The following PCDHGB1 variants were observed in gnomAD, a reference collection of about 807,000 sequenced individuals.
The protein encoded by PCDHGB1 is protocadherin gamma subfamily B, 1.
Under a neutral mutation model 56.6 loss-of-function variants are expected in PCDHGB1, and 34 were observed. The observed-to-expected ratio is 0.60, with a 90% CI of 0.46 to 0.80. The LOEUF (loss-of-function observed/expected upper bound fraction) is 0.80. PCDHGB1 is among the 30% of genes least tolerant of loss of function. The probability of loss-of-function intolerance (pLI) is 0.00; values close to 1 mark genes in which losing one functional copy is unlikely to be tolerated. For synonymous variants in PCDHGB1, 561 were observed against 505.9 expected, an observed-to-expected ratio of 1.11 and a Z score of -1.46; for missense variants, 1,278 against 1,204.6, an observed-to-expected ratio of 1.06 and a Z score of -0.90.
intron 1 of PCDHGB1, chr5:141,428,048 G>A: frequency 6.2e-7 from 1 of 1,608,900 alleles, no homozygotes; most frequent in Admixed American, 1.7e-5. Context: ...TGGTGACCAA[G>A]GTGGTGGCGG....
intron 1 of PCDHGB1, chr5:141,412,954 C>A (rs2095592297): frequency 2.1e-6 from 1 of 482,442 alleles, no homozygotes; most frequent in Non-Finnish European, 3.6e-6. Flanking sequence ...CGCCGCTGTT[C>A]ACCTACTAGG....
rs1331087585 is a variant in PCDHGB1 at position 141,365,757 on chromosome 5, C to G, written c.2409+13088C>G. 6 of 1,613,830 alleles carry G rather than the reference C, an allele frequency of 3.7e-6. No individual in the cohort carries two copies. The South Asian group carries it at 6.6e-5, about 18-fold the overall frequency. On this transcript the variant is annotated intron_variant, in intron 1 of 3. Transcript: ENST00000523390. ...GGTGTCTCTATCTTCTCTGTGACAG[C>G]CCATGACCCCGACAGCGGCGACAAC...
intron 1 of PCDHGB1, chr5:141,417,831 C>T: frequency 5.2e-6 from 8 of 1,526,966 alleles, no homozygotes; most frequent in Non-Finnish European, 7.1e-6. Flanking sequence ...ACTGGAAAAG[C>T]GGGGACCCAG....
chr5:141,446,775 T>C (rs1175892018), intron 1 of PCDHGB1, among the ~76,000 whole-genome samples: 2 of 152,188 alleles, frequency 1.3e-5, no homozygotes, highest in Admixed American at 6.5e-5. Context: ...CCGGTTACCA[T>C]TCTTTTACTC....
At chr5:141,458,413 G>A (rs138479316) in intron 1 of PCDHGB1, among the ~76,000 whole-genome samples, 1 of 152,196 alleles carries the variant, frequency 6.6e-6, no homozygotes, top group East Asian at 1.9e-4. Context: ...CGGAGCGGGG[G>A]TTCCAAAGCT....
At chr5:141,474,722 C>G (rs1562046141) in intron 1 of PCDHGB1, among the ~76,000 whole-genome samples, 1 of 152,216 alleles carries the variant, frequency 6.6e-6, no homozygotes, top group Non-Finnish European at 1.5e-5. Flanking sequence ...TTCAAAAGGA[C>G]TCTATGCAAT....
rs774983500 is a variant in PCDHGB1 at position 141,490,973 on chromosome 5, G to T, written c.2410-3834G>T. ...GACTGGGAACACTCAGCCCCCCAGC[G>T]TCTCCCTCGCTCTGCTCCTCCTGGC... On this transcript the variant is annotated intron_variant, in intron 1 of 3. Transcript: ENST00000523390. The surrounding 1 kb of genome is among the most constrained non-coding windows in gnomAD (Gnocchi z 5.4). 1 of 1,613,932 alleles carries T rather than the reference G, an allele frequency of 6.2e-7. No individual in the cohort carries two copies. The highest frequency in any genetic ancestry group is 1.3e-5 in the African/African-American group (1 of 75,040).
chr5:141,507,810 G>A (rs550331241), intron 3 of PCDHGB1, among the ~76,000 whole-genome samples: 1 of 152,290 alleles, frequency 6.6e-6, no homozygotes, highest in African/African-American at 2.4e-5. Context: ...CCTGGGGAAC[G>A]GACCCTGGGG....
rs561122870 is a variant in PCDHGB1 at position 141,439,444 on chromosome 5, C to T, written c.2410-55363C>T. On this transcript the variant is annotated intron_variant, in intron 1 of 3. Transcript: ENST00000523390. ...ATAAATTCCCAGGAATATTTTATTG[C>T]GGGAGCAAGACTGCACTGCTGCCTT... Among the ~76,000 whole-genome samples the T allele has an allele frequency of 3.0e-4, 46 of 152,264 alleles. 1 individual carries two copies. The South Asian group carries it at 6.2e-3, about 21-fold the overall frequency.
intron 1 of PCDHGB1, among the ~76,000 whole-genome samples, chr5:141,465,907 G>C (rs1367648934): frequency 6.6e-6 from 1 of 152,056 alleles, no homozygotes; most frequent in East Asian, 1.9e-4. Flanking sequence ...CAAATCACGA[G>C]GTCAGGATTT....
chr5:141,505,803 C>A (rs920849273), intron 3 of PCDHGB1, among the ~76,000 whole-genome samples: 2 of 152,234 alleles, frequency 1.3e-5, no homozygotes, highest in African/African-American at 4.8e-5. Flanking sequence ...GGACTTGGAT[C>A]GACTTGCTCA....
intron 1 of PCDHGB1, chr5:141,376,569 G>T: frequency 6.2e-7 from 1 of 1,603,942 alleles, no homozygotes; most frequent in South Asian, 1.1e-5. Flanking sequence ...CAACTAATCA[G>T]ACAGGCTCAT....
rs1297208780 is a variant in PCDHGB1 at position 141,486,613 on chromosome 5, T to C, written c.2410-8194T>C. 2 of 1,613,658 alleles carry C rather than the reference T, an allele frequency of 1.2e-6. No individual in the cohort carries two copies. The highest frequency in any genetic ancestry group is 2.7e-5 in the African/African-American group (2 of 75,074). On this transcript the variant is annotated intron_variant, in intron 1 of 3. Coordinates refer to ENST00000523390, the MANE Select transcript of PCDHGB1 (RefSeq NM_018922.3). The surrounding 1 kb of genome is among the most constrained non-coding windows in gnomAD (Gnocchi z 5.0). ...ACCTGCTTTGCTCCCTTGCAGCCTC[T>C]GACCCAGACTCTGGCTTGAATGCGC...
chr5:141,364,710 A>G (rs778155346), intron 1 of PCDHGB1: 12 of 1,613,886 alleles, frequency 7.4e-6, no homozygotes, highest in Non-Finnish European at 8.5e-7. Context: ...ATCGATATTA[A>G]TGATAACTTC....
intron 1 of PCDHGB1, chr5:141,362,500 C>G (rs779723361): frequency 6.2e-7 from 1 of 1,614,012 alleles, no homozygotes; most frequent in South Asian, 1.1e-5. Context: ...CTCTTGGGAA[C>G]AAAATACAAA....
intron 1 of PCDHGB1, among the ~76,000 whole-genome samples, chr5:141,436,478 A>G (rs1360229764): frequency 2.0e-5 from 3 of 152,220 alleles, no homozygotes; most frequent in Non-Finnish European, 4.4e-5. Context: ...TGTATCATAG[A>G]AGGATAGCAG....
In PCDHGB1 at chr5:141,477,028, G is replaced by A. The variant is rs1015508317; in HGVS notation, c.2410-17779G>A. On this transcript the variant is annotated intron_variant, in intron 1 of 3. Coordinates refer to ENST00000523390, the MANE Select transcript of PCDHGB1 (RefSeq NM_018922.3). The surrounding 1 kb of genome is among the most constrained non-coding windows in gnomAD (Gnocchi z 4.9). ...CCTTAGACCTTGTAACCGGGATGCT[G>A]ACAATCAAGGGTCGGCTGGACTTCG... The A allele has an allele frequency of 2.5e-6, 4 of 1,614,146 alleles. No homozygotes were observed. The highest frequency in any genetic ancestry group is 1.7e-5 in the Admixed American group (1 of 60,018).
At chr5:141,465,504 G>T (rs2099104593) in intron 1 of PCDHGB1, among the ~76,000 whole-genome samples, 2 of 152,152 alleles carry the variant, frequency 1.3e-5, no homozygotes. Context: ...GCATTGTCGT[G>T]GTCAGGAAGG....
chr5:141,370,051 A>G (rs1766638664), intron 1 of PCDHGB1, among the ~76,000 whole-genome samples: 1 of 152,244 alleles, frequency 6.6e-6, no homozygotes, highest in African/African-American at 2.4e-5. Flanking sequence ...ATGTTTTTTA[A>G]AAGTCCTTTT....
Sources: allele counts gnomAD v4.1 joint callset (sites outside exome capture counted in the v4.1 genomes callset), GRCh38; gene constraint gnomAD v4.1.1; non-coding constraint Gnocchi (gnomAD v3.1); transcripts MANE v1.5; gene names NCBI Gene and HGNC (gene_info 2026-07-23, HGNC 2026-07-21).